The following STAU2 variants were observed in gnomAD, a reference collection of about 807,000 sequenced individuals.
STAU2 encodes staufen double-stranded RNA binding protein 2.
A neutral mutation model predicts 65.9 loss-of-function variants in STAU2; 20 were observed. The ratio of observed to expected loss-of-function variants is 0.30; its 90% CI spans 0.21 to 0.44. STAU2 has a LOEUF of 0.44. Among genes scored for constraint, STAU2 ranks in the 20% least tolerant of loss-of-function variants. The pLI, the probability that STAU2 is intolerant of heterozygous loss-of-function variation, is 1.00. For missense variants in STAU2, 558 were observed against 683.9 expected (o/e 0.82, Z 2.05); for synonymous variants, 232 against 233.9 (o/e 0.99, Z 0.07).
rs527302324 is a variant in STAU2 at position 73,606,950 on chromosome 8, C to G, written c.892-3087G>C. Reference sequence around the variant, plus strand: ...AAGGATGAATCTCAAAATAATTATGCTGGGTTAAAGAAGCCAGCCAAAAAA... The same window carrying G: ...AAGGATGAATCTCAAAATAATTATGGTGGGTTAAAGAAGCCAGCCAAAAAA... On this transcript the variant is annotated intron_variant, in intron 9 of 14. Transcript: ENST00000524300. Among the ~76,000 whole-genome samples the G allele has an allele frequency of 3.1e-4, 47 of 152,116 alleles. No individual in the cohort carries two copies. The South Asian group carries it at 9.2e-3, about 30-fold the overall frequency.
intron 6 of STAU2, chr8:73,651,742 C>T: frequency 1.2e-5 from 5 of 429,834 alleles, no homozygotes; most frequent in South Asian, 1.1e-4. Flanking sequence ...CAGCCCTGTC[C>T]ACGGGGCCCT....
At chr8:73,503,959 C>G (rs1585889448) in intron 13 of STAU2, among the ~76,000 whole-genome samples, 2 of 151,656 alleles carry the variant, frequency 1.3e-5, no homozygotes, top group Admixed American at 6.6e-5. Flanking sequence ...TATCTGGAGA[C>G]AAAAGGACAA....
chr8:73,659,354 A>G (rs1287355901), intron 6 of STAU2, among the ~76,000 whole-genome samples: 2 of 152,158 alleles, frequency 1.3e-5, no homozygotes, highest in Non-Finnish European at 2.9e-5. Context: ...CCTGACCAAC[A>G]TGGAGAAAAC....
intron 4 of STAU2, among the ~76,000 whole-genome samples, chr8:73,708,515 T>C (rs889348954): frequency 6.6e-6 from 1 of 152,166 alleles, no homozygotes. Context: ...TATAAGTGAA[T>C]GCAGAGATAA....
intron 13 of STAU2, among the ~76,000 whole-genome samples, chr8:73,459,924 C>T (rs1026153997): frequency 6.6e-6 from 1 of 152,178 alleles, no homozygotes; most frequent in Admixed American, 6.5e-5. Flanking sequence ...GGGCCTCCTG[C>T]GTCCCCAGCC....
chr8:73,599,797 G>C (rs556218420), intron 10 of STAU2, among the ~76,000 whole-genome samples: 1 of 149,604 alleles, frequency 6.7e-6, no homozygotes, highest in South Asian at 2.1e-4. Flanking sequence ...ACGGAGTCTC[G>C]CTCTGTCACC....
At chr8:73,460,400 G>T (rs1819293214) in intron 13 of STAU2, among the ~76,000 whole-genome samples, 1 of 152,186 alleles carries the variant, frequency 6.6e-6, no homozygotes, top group Non-Finnish European at 1.5e-5. Context: ...TGTTAAACAT[G>T]TATGGTGAAT....
chr8:73,461,406 G>A (rs1034708010), intron 13 of STAU2, among the ~76,000 whole-genome samples: 1 of 152,008 alleles, frequency 6.6e-6, no homozygotes, highest in African/African-American at 2.4e-5. Flanking sequence ...GTGGAAGATG[G>A]GGCTCAGAGG....
Position 73,472,201 on chromosome 8 carries a change from C to T in STAU2, c.1531-49499G>A, listed in dbSNP as rs79336646. On this transcript the variant is annotated intron_variant, in intron 13 of 14. Transcript: ENST00000524300. The stretch of plus-strand genomic sequence containing the variant: ...GATGTGCTAAGAAGAGATGACATTA[C>T]GTTTAAAATAAGGCTTCATGAAAAG... Among the ~76,000 whole-genome samples the T allele has an allele frequency of 5.7e-3, 861 of 152,196 alleles. 12 individuals are homozygous for T. The highest frequency in any genetic ancestry group is 0.02 in the African/African-American group (832 of 41,504).
At chr8:73,488,785 T>C (rs1821034562) in intron 13 of STAU2, among the ~76,000 whole-genome samples, 1 of 151,610 alleles carries the variant, frequency 6.6e-6, no homozygotes, top group Admixed American at 6.6e-5. Context: ...GTTCACCAAT[T>C]CCAAATGTTC....
intron 4 of STAU2, among the ~76,000 whole-genome samples, chr8:73,708,132 T>C (rs1217019204): frequency 1.3e-5 from 2 of 152,214 alleles, no homozygotes; most frequent in Non-Finnish European, 2.9e-5. Context: ...ATTAAATTGT[T>C]GCCCCTAAAT....
At chr8:73,636,440 A>G (rs1586166919) in intron 6 of STAU2, among the ~76,000 whole-genome samples, 1 of 152,260 alleles carries the variant, frequency 6.6e-6, no homozygotes, top group East Asian at 1.9e-4. Context: ...GTTCTACAAC[A>G]TATAATTTTA....
chr8:73,496,670 T>C (rs1821438435), intron 13 of STAU2, among the ~76,000 whole-genome samples: 1 of 151,384 alleles, frequency 6.6e-6, no homozygotes, highest in African/African-American at 2.4e-5. Flanking sequence ...TTAATTTTAA[T>C]AATATTCTTT....
chr8:73,514,639 A>C lies in STAU2; in HGVS notation c.1530+37373T>G, dbSNP rs1822606043. Among the ~76,000 whole-genome samples, 3 of 152,222 alleles carry C rather than the reference A, an allele frequency of 2.0e-5. No homozygotes were observed. The South Asian group carries it at 6.2e-4, about 32-fold the overall frequency. On this transcript the variant is annotated intron_variant, in intron 13 of 14. Coordinates refer to ENST00000524300, the MANE Select transcript of STAU2 (RefSeq NM_001164380.2). ...CTCCTAAAAGAAGCTTAATCAGATT[A>C]ATTCTTCTGTTGTTGATCATTCCTA...
At chr8:73,437,101 C>A (rs1446825928) in intron 13 of STAU2, among the ~76,000 whole-genome samples, 1 of 152,166 alleles carries the variant, frequency 6.6e-6, no homozygotes, top group Non-Finnish European at 1.5e-5. Context: ...AGTTCACACA[C>A]TGTATTTGAT....
chr8:73,555,414 T>C lies in STAU2; in HGVS notation c.1223-3095A>G, dbSNP rs913283414. On this transcript the variant is annotated intron_variant, in intron 12 of 14. Transcript: ENST00000524300. ...AACTTTATCCTGATGCCATTAAGTA[T>C]AAAAGAGTTTTGTAAGTTTTTTTAA... 3.3e-5 allele frequency among the ~76,000 whole-genome samples: 5 copies of C among 152,190 alleles called. No individual in the cohort carries two copies. The East Asian group carries it at 5.8e-4, about 18-fold the overall frequency.
At position 73,603,856 on chromosome 8, in the gene STAU2, G is replaced by C. The variant is rs1415632416; in HGVS notation, c.899C>G (p.Pro300Arg). ...AGGGTTCATCCCTTGGCCATATTCT[G>C]GTCCGGCCTAAAAATTAATTTAAGA... is the stretch of plus-strand genomic sequence containing the variant. ...KRPKTIVKAG[P>R]EYGQGMNPIS... Residue 300 changes from proline to arginine, a missense_variant, in exon 10 of 15, where the codon CCA (proline) becomes CGA (arginine). Coordinates refer to ENST00000524300, the MANE Select transcript of STAU2 (RefSeq NM_001164380.2). 2 of 1,584,100 alleles carry C rather than the reference G, an allele frequency of 1.3e-6. No homozygotes were observed. Among genetic ancestry groups the C allele is most frequent in the East Asian group, 2.2e-5 (1 of 44,494 alleles).
chr8:73,468,602 T>G (rs986691405), intron 13 of STAU2, among the ~76,000 whole-genome samples: 1 of 152,072 alleles, frequency 6.6e-6, no homozygotes, highest in African/African-American at 2.4e-5. Context: ...CTCAAACAAA[T>G]TTACAAGAAA....
chr8:73,581,902 G>A (rs779102610), intron 12 of STAU2, among the ~76,000 whole-genome samples: 5 of 152,068 alleles, frequency 3.3e-5, no homozygotes, highest in Admixed American at 6.6e-5. Context: ...CTAAAACCAT[G>A]GATTACGATA....
Sources: gnomAD v4.1 joint callset for allele counts (sites outside exome capture counted in the v4.1 genomes callset) on GRCh38, gnomAD v4.1.1 for gene constraint, MANE v1.5 for transcripts, NCBI Gene and HGNC (gene_info 2026-07-23, HGNC 2026-07-21) for gene names.